Variants in C1QTNF7 observed in about 807,000 individuals in gnomAD.
C1QTNF7 encodes the protein complement C1q tumor necrosis factor-related protein 7.
A neutral mutation model predicts 19.6 loss-of-function variants in C1QTNF7; 15 were observed. That is an observed-to-expected ratio of 0.76 (90% confidence interval 0.51 to 1.18). C1QTNF7 has a LOEUF of 1.18. Ranked by LOEUF, C1QTNF7 falls within the 50% of genes most tolerant of loss-of-function variation. C1QTNF7 has a pLI of 0.00. For synonymous variants in C1QTNF7, 142 were observed against 137.5 expected (o/e 1.03, Z -0.23); for missense variants, 324 against 359.7 (o/e 0.90, Z 0.80).
chr4:15,426,795 A>G (rs1442211033), upstream of C1QTNF7, among the ~76,000 whole-genome samples: 1 of 152,220 alleles, frequency 6.6e-6, no homozygotes, highest in Non-Finnish European at 1.5e-5. Context: ...ATAAATGAAC[A>G]TATTAAAAGG....
chr4:15,403,638 A>C (rs1476650246), intron 1 of C1QTNF7, among the ~76,000 whole-genome samples: 1 of 152,168 alleles, frequency 6.6e-6, no homozygotes, highest in Non-Finnish European at 1.5e-5. Flanking sequence ...ATCTCATCTC[A>C]AGATCCTTAA....
chr4:15,398,950 G>A (rs1229642232), intron 1 of C1QTNF7, among the ~76,000 whole-genome samples: 2 of 152,136 alleles, frequency 1.3e-5, no homozygotes, highest in African/African-American at 4.8e-5. Context: ...CTTCCCTTGG[G>A]ATGGGCTGTC....
intron 1 of C1QTNF7, among the ~76,000 whole-genome samples, chr4:15,382,444 G>A (rs771469210): frequency 6.6e-6 from 1 of 151,928 alleles, no homozygotes; most frequent in East Asian, 1.9e-4. Flanking sequence ...CAAAGCCGTG[G>A]GTTCTTGTTC....
Position 15,349,565 on chromosome 4 carries a change from G to A in C1QTNF7, c.13+9358G>A, listed in dbSNP as rs531768490. On this transcript the variant is annotated intron_variant, in intron 1 of 2. Transcript: ENST00000295297. Reference sequence around the variant, plus strand: ...AGGAACAAAATATGTGAACCACAAGGACCAATCTGGTTATAATGATTGAGT... The same window carrying A: ...AGGAACAAAATATGTGAACCACAAGAACCAATCTGGTTATAATGATTGAGT... Among the ~76,000 whole-genome samples, 6 of 152,244 alleles carry A rather than the reference G, an allele frequency of 3.9e-5. No individual in the cohort carries two copies. The East Asian group carries it at 1.2e-3, about 29-fold the overall frequency.
At chr4:15,391,363 G>A (rs972635949) in intron 1 of C1QTNF7, among the ~76,000 whole-genome samples, 1 of 151,960 alleles carries the variant, frequency 6.6e-6, no homozygotes, top group African/African-American at 2.4e-5. Flanking sequence ...ACTCTAACTT[G>A]AGCCACGGAA....
intron 1 of C1QTNF7, among the ~76,000 whole-genome samples, chr4:15,412,166 G>A (rs1260457109): frequency 1.1e-4 from 17 of 152,110 alleles, no homozygotes; most frequent in Non-Finnish European, 1.3e-4. Context: ...CAGAGGGGAT[G>A]GTCTAGTAGC....
At chr4:15,374,461 A>G in intron 1 of C1QTNF7, 1 of 641,702 alleles carries the variant, frequency 1.6e-6, no homozygotes, top group Non-Finnish European at 1.9e-6. Context: ...GCCAACAGAT[A>G]AAGAAGGATA....
Position 15,351,576 on chromosome 4 carries a change from C to A in C1QTNF7, c.13+11369C>A, listed in dbSNP as rs375172476. ...CCATGGCTGCACCTTAATGATCAAC[C>A]AGGGAAAAGTCCCAGAGCCCAAGCG... is the stretch of plus-strand genomic sequence containing the variant. On this transcript the variant is annotated intron_variant, in intron 1 of 2. Transcript: ENST00000295297. Among the ~76,000 whole-genome samples, 119 of 152,240 alleles carry A rather than the reference C, an allele frequency of 7.8e-4. 1 individual carries two copies. The highest frequency in any genetic ancestry group is 2.7e-3 in the African/African-American group (111 of 41,552).
At chr4:15,401,694 G>T (rs370313723) in intron 1 of C1QTNF7, among the ~76,000 whole-genome samples, 2 of 152,140 alleles carry the variant, frequency 1.3e-5, no homozygotes, top group South Asian at 2.1e-4. Flanking sequence ...GTTTAAAAAC[G>T]AAATAGAAAT....
chr4:15,370,529 CAGAG>C (rs1560345136), intron 1 of C1QTNF7, among the ~76,000 whole-genome samples: 1 of 151,432 alleles, frequency 6.6e-6, no homozygotes, highest in Non-Finnish European at 1.5e-5. Flanking sequence ...TCTGTTCCCT[CAGAG>C]AGAGAGAGAG....
upstream of C1QTNF7, among the ~76,000 whole-genome samples, chr4:15,426,643 T>G (rs1334533362): frequency 6.6e-6 from 1 of 152,196 alleles, no homozygotes; most frequent in African/African-American, 2.4e-5. Context: ...TATCAACACT[T>G]TAAGGCAGAA....
At chr4:15,350,265 G>A (rs1455199193) in intron 1 of C1QTNF7, among the ~76,000 whole-genome samples, 1 of 68,174 alleles carries the variant, frequency 1.5e-5, no homozygotes, top group Non-Finnish European at 3.2e-5. Context: ...GAGAGAGGGA[G>A]GGAGGAAAGA....
intron 1 of C1QTNF7, among the ~76,000 whole-genome samples, chr4:15,413,251 A>G (rs560884196): frequency 6.6e-6 from 1 of 152,234 alleles, no homozygotes; most frequent in South Asian, 2.1e-4. Context: ...GTGGTTACCT[A>G]TCTATGTTTT....
At chr4:15,408,708 T>C (rs951514752) in intron 1 of C1QTNF7, among the ~76,000 whole-genome samples, 4 of 152,128 alleles carry the variant, frequency 2.6e-5, no homozygotes, top group Admixed American at 2.6e-4. Context: ...TGGATATACC[T>C]GAACTGGTCC....
At chr4:15,434,600 T>C (rs1269878753) in intron 1 of C1QTNF7, among the ~76,000 whole-genome samples, 1 of 152,180 alleles carries the variant, frequency 6.6e-6, no homozygotes, top group Non-Finnish European at 1.5e-5. Context: ...TGTTCTTCCC[T>C]TTAAAAAACT....
intron 1 of C1QTNF7, among the ~76,000 whole-genome samples, chr4:15,404,743 G>T (rs1719131799): frequency 6.6e-6 from 1 of 152,160 alleles, no homozygotes; most frequent in African/African-American, 2.4e-5. Context: ...CCAAGGGCAT[G>T]GGAACCAAAC....
intron 1 of C1QTNF7, among the ~76,000 whole-genome samples, chr4:15,391,042 G>A (rs1483823828): frequency 6.6e-6 from 1 of 151,948 alleles, no homozygotes; most frequent in Non-Finnish European, 1.5e-5. Context: ...AATGGGGAAG[G>A]GTGCTTTTGA....
chr4:15,391,670 G>T (rs1722528102), intron 1 of C1QTNF7, among the ~76,000 whole-genome samples: 1 of 152,152 alleles, frequency 6.6e-6, no homozygotes, highest in Admixed American at 6.5e-5. Context: ...TAACGTGTTT[G>T]TGTCTCCCAG....
chr4:15,373,108 A>G (rs1343692322), intron 1 of C1QTNF7, among the ~76,000 whole-genome samples: 1 of 152,178 alleles, frequency 6.6e-6, no homozygotes, highest in East Asian at 1.9e-4. Context: ...AACAACAGAA[A>G]TTTATTTCTG....
Sources: gnomAD v4.1 joint callset for allele counts (sites outside exome capture counted in the v4.1 genomes callset) on GRCh38, gnomAD v4.1.1 for gene constraint, MANE v1.5 for transcripts, NCBI Gene and HGNC (gene_info 2026-07-23, HGNC 2026-07-21) for gene names.